STARD10: variants seen among roughly 807,000 people sequenced by gnomAD.
The protein encoded by STARD10 is StAR related lipid transfer domain containing 10, also known as START domain-containing protein 10.
A neutral mutation model predicts 36.0 loss-of-function variants in STARD10; 24 were observed. The ratio of observed to expected loss-of-function variants is 0.67; its 90% CI spans 0.48 to 0.94. The LOEUF (loss-of-function observed/expected upper bound fraction) is 0.94. Among genes scored for constraint, STARD10 ranks in the 40% least tolerant of loss-of-function variants. STARD10 has a pLI of 0.00. For missense variants in STARD10, 335 were observed against 396.6 expected (o/e 0.84, Z 1.32); for synonymous variants, 156 against 161.9 (o/e 0.96, Z 0.28).
At chr11:72,792,763 C>A in intron 1 of STARD10, 112 bp downstream of exon 1, 1 of 152,706 alleles carries the variant, frequency 6.5e-6, no homozygotes, top group Non-Finnish European at 1.5e-5. Flanking sequence ...TCCTCCCAAG[C>A]TCAGAAACAG....
At chr11:72,775,357 T>C (rs959511673) in intron 2 of STARD10, among the ~76,000 whole-genome samples, 2 of 152,058 alleles carry the variant, frequency 1.3e-5, no homozygotes, top group African/African-American at 4.8e-5. Context: ...GTCTAAAACC[T>C]TCCCCTGGCA....
At chr11:72,790,545 G>A (rs888025416) in intron 1 of STARD10, among the ~76,000 whole-genome samples, 1 of 152,224 alleles carries the variant, frequency 6.6e-6, no homozygotes, top group African/African-American at 2.4e-5. Flanking sequence ...TCTTCCCCCA[G>A]CCCCTGCTCC....
In STARD10 at chr11:72,755,139, T is replaced by C. The variant is rs1858626000; in HGVS notation, c.634A>G (p.Met212Val). ...AGGCACGCCTTGTACATCTTCTTCA[T>C]GGCCTGTGGGCCCGCCGCCCCGCCG... ...KSSQFLAPKAMKKMYKACLKY... is the reference protein window; with the variant it reads ...KSSQFLAPKAVKKMYKACLKY... The change falls in exon 7 of 7, where the codon ATG (methionine) becomes GTG (valine). Residue 212 changes from methionine to valine, a missense_variant. Physicochemically the swap from Met to Val is conservative, Grantham distance 21. Transcript: ENST00000334805. 6.2e-7 allele frequency: 1 copy of C among 1,611,164 alleles called. No individual in the cohort carries two copies. The highest frequency in any genetic ancestry group is 2.2e-5 in the East Asian group (1 of 44,756).
intron 2 of STARD10, among the ~76,000 whole-genome samples, chr11:72,764,187 G>A (rs615703): frequency 0.067 from 10,222 of 152,186 alleles, 1,149 homozygotes; most frequent in African/African-American, 0.23. Flanking sequence ...TCCCTAGCCA[G>A]GCTCAGTGCT....
At chr11:72,783,591 AC>A (rs1859032152) in intron 1 of STARD10, 1 of 151,548 alleles carries the variant, frequency 6.6e-6, no homozygotes, top group Non-Finnish European at 1.5e-5. Context: ...ATCAGATAAA[AC>A]CCAAAGGGGA....
chr11:72,759,572 A>C (rs1858689944), intron 2 of STARD10, among the ~76,000 whole-genome samples, 191 bp from the exon 3 acceptor site: 1 of 152,136 alleles, frequency 6.6e-6, no homozygotes, highest in Admixed American at 6.5e-5. Flanking sequence ...CTGTGCCAGG[A>C]GACAGACAGC....
At chr11:72,766,376 G>C (rs1018492177) in intron 2 of STARD10, among the ~76,000 whole-genome samples, 4 of 152,184 alleles carry the variant, frequency 2.6e-5, no homozygotes, top group African/African-American at 9.7e-5. Flanking sequence ...CCGCCAAGTA[G>C]AGTGGTAAGG....
chr11:72,779,278 TC>T (rs893600681), intron 2 of STARD10, among the ~76,000 whole-genome samples: 3 of 152,028 alleles, frequency 2.0e-5, no homozygotes, highest in African/African-American at 7.3e-5. Context: ...GGTTCTTTCC[TC>T]CCCCCTCTCT....
intron 1 of STARD10, among the ~76,000 whole-genome samples, chr11:72,790,786 C>A (rs760500118): frequency 5.3e-5 from 8 of 152,222 alleles, no homozygotes; most frequent in Admixed American, 1.3e-4. Context: ...TGTAAACACT[C>A]GAGACATTTC....
chr11:72,772,268 C>A lies in STARD10; in HGVS notation c.207+8707G>T, dbSNP rs1195619128. Among the ~76,000 whole-genome samples the A allele has an allele frequency of 3.4e-5, 5 of 146,218 alleles. No homozygotes were observed. The East Asian group carries it at 1.0e-3, about 30-fold the overall frequency. Reference sequence around the variant, plus strand: ...GTGCCCGGTGCTGCCATAGTGGGCACGGTTCTCCCTGTGCCCGGTGCTGCC... The same window carrying A: ...GTGCCCGGTGCTGCCATAGTGGGCAAGGTTCTCCCTGTGCCCGGTGCTGCC... On this transcript the variant is annotated intron_variant, in intron 2 of 6. Transcript: ENST00000334805.
At chr11:72,757,966 C>G in intron 4 of STARD10, 82 bp from the exon 5 acceptor site, 1 of 1,132,870 alleles carries the variant, frequency 8.8e-7, no homozygotes, top group South Asian at 1.2e-5. Context: ...AACGCGCACG[C>G]GCACACACAC....
At chr11:72,772,521 C>T (rs1858876414) in intron 2 of STARD10, among the ~76,000 whole-genome samples, 1 of 152,186 alleles carries the variant, frequency 6.6e-6, no homozygotes, top group East Asian at 1.9e-4. Context: ...TCTTCACTGC[C>T]CAGACAGGCC....
intron 2 of STARD10, among the ~76,000 whole-genome samples, chr11:72,769,254 T>C (rs969777669): frequency 1.3e-5 from 2 of 152,146 alleles, no homozygotes; most frequent in Non-Finnish European, 1.5e-5. Flanking sequence ...ACCAAAAATA[T>C]ATAAAATACT....
rs1859175891 is a variant in STARD10, at chr11:72,793,556, A to G, written c.-795T>C. On this transcript the variant is annotated 5_prime_UTR_variant, in exon 1 of 7. Coordinates refer to ENST00000334805, the MANE Select transcript of STARD10 (RefSeq NM_006645.3). ...CATTTGTAAAAGGACTGTTGTGAGG[A>G]CTGAATTAGGAGAGGCGATGAAGAG... The G allele has an allele frequency of 6.6e-6, 1 of 152,250 alleles. No individual in the cohort carries two copies. The highest frequency in any genetic ancestry group is 6.5e-5 in the Admixed American group (1 of 15,286). 9.4% of individuals were successfully genotyped at this position (152,250 alleles called of 1,614,324 possible). A position where few individuals can be genotyped will look rare whatever the true frequency, so the allele number is the denominator to read the frequency against.
rs1266272035 is a variant in STARD10, at chr11:72,755,050, C to G, written c.723G>C (p.Gln241His). The G allele has an allele frequency of 1.2e-6, 2 of 1,613,116 alleles. No individual in the cohort carries two copies. The highest frequency in any genetic ancestry group is 2.2e-5 in the East Asian group (1 of 44,858). ...ACAGCGCCAGGCTCGGCAACGGGCT[C>G]TGCTCCGGGTGCAGCCACGGCTTGA... ...PHFKPWLHPE[Q>H]SPLPSLALSE... Residue 241 changes from glutamine (Q) to histidine (H), a missense_variant, in exon 7 of 7, where the codon CAG becomes CAC. By Grantham distance (24) the Gln-to-His change is conservative. Coordinates refer to ENST00000334805, the MANE Select transcript of STARD10 (RefSeq NM_006645.3).
chr11:72,757,870 C>G lies in STARD10; in HGVS notation c.474G>C (p.Arg158=). Residue 158 remains arginine, a synonymous_variant, in exon 5 of 7, where the codon CGG becomes CGC. Coordinates refer to ENST00000334805, the MANE Select transcript of STARD10 (RefSeq NM_006645.3). ...TGGACACAGCTCGGACCAAGTCTTT[C>G]CGAGGTGGGTATTTCTGGGGATGGA... ...YSVKHPKYPP[R]KDLVRAVSIQ... The G allele has an allele frequency of 1.2e-6, 2 of 1,614,182 alleles. No individual in the cohort carries two copies. Among genetic ancestry groups the G allele is most frequent in the Non-Finnish European group, 1.7e-6 (2 of 1,180,002 alleles).
chr11:72,778,785 G>T (rs776583899), intron 2 of STARD10, among the ~76,000 whole-genome samples: 1 of 152,208 alleles, frequency 6.6e-6, no homozygotes, highest in Non-Finnish European at 1.5e-5. Context: ...TGCATCCCAG[G>T]GGCAGGAGGG....
At chr11:72,767,689 G>A (rs547518820) in intron 2 of STARD10, among the ~76,000 whole-genome samples, 1 of 152,272 alleles carries the variant, frequency 6.6e-6, no homozygotes, top group Non-Finnish European at 1.5e-5. Flanking sequence ...CCCAGTGCTG[G>A]GGCTCCAAAC....
rs955606379 is a variant in STARD10, at chr11:72,787,560, G to A, written c.-114+5315C>T. 3.0e-4 allele frequency among the ~76,000 whole-genome samples: 45 copies of A among 152,252 alleles called. 1 individual carries two copies. Among genetic ancestry groups the A allele is most frequent in the African/African-American group, 9.9e-4 (41 of 41,468 alleles). ...TCCCAGGCCCAGATGGCCACACCCC[G>A]CTCTGCCTGCTGGGTCCTCCCGCTG... On this transcript the variant is annotated intron_variant, in intron 1 of 6. Coordinates refer to ENST00000334805, the MANE Select transcript of STARD10 (RefSeq NM_006645.3).
Sources: gnomAD v4.1 joint callset for allele counts (sites outside exome capture counted in the v4.1 genomes callset) on GRCh38, gnomAD v4.1.1 for gene constraint, MANE v1.5 for transcripts, NCBI Gene and HGNC (gene_info 2026-07-23, HGNC 2026-07-21) for gene names.